PPP2R2B: variants seen among roughly 807,000 people sequenced by gnomAD.
PPP2R2B encodes protein phosphatase 2 regulatory subunit Bbeta.
A neutral mutation model predicts 46.0 loss-of-function variants in PPP2R2B; 5 were observed. The observed-to-expected ratio is 0.11, with a 90% confidence interval of 0.06 to 0.23. PPP2R2B has a LOEUF of 0.23. PPP2R2B is among the 10% of genes least tolerant of loss of function. PPP2R2B has a pLI of 1.00. For missense variants in PPP2R2B, 367 were observed against 575.0 expected, an observed-to-expected ratio of 0.64 and a Z score of 3.70; for synonymous variants, 215 against 206.7, an observed-to-expected ratio of 1.04 and a Z score of -0.34.
At chr5:146,889,822 A>G (rs1762439470) in intron 1 of PPP2R2B, among the ~76,000 whole-genome samples, 1 of 152,210 alleles carries the variant, frequency 6.6e-6, no homozygotes, top group South Asian at 2.1e-4. Context: ...TTCCACCCTC[A>G]AACTTAGCAG....
At chr5:147,009,898 C>CACACACACAT (rs781463815) in intron 1 of PPP2R2B, among the ~76,000 whole-genome samples, 80 of 145,612 alleles carry the variant, frequency 5.5e-4, no homozygotes, top group South Asian at 1.3e-3. Context: ...CACACACACA[C>CACACACACAT]ATATATATAT....
chr5:146,905,908 T>A (rs1415553234), intron 1 of PPP2R2B, among the ~76,000 whole-genome samples: 1 of 152,162 alleles, frequency 6.6e-6, no homozygotes. Context: ...CTCTGTGCTA[T>A]CCAGTATGGA....
chr5:146,703,786 G>A (rs188962440), intron 2 of PPP2R2B, among the ~76,000 whole-genome samples: 14 of 152,300 alleles, frequency 9.2e-5, no homozygotes, highest in African/African-American at 3.1e-4. Context: ...GCATTATGGA[G>A]TATTAGGCAT....
intron 2 of PPP2R2B, among the ~76,000 whole-genome samples, chr5:146,840,819 TTGTC>T (rs1033592076): frequency 4.6e-5 from 7 of 152,212 alleles, no homozygotes; most frequent in Non-Finnish European, 1.0e-4. Flanking sequence ...AATCTATTCA[TTGTC>T]TGTAATGTGT....
chr5:146,621,872 G>T (rs1289005681), intron 7 of PPP2R2B, among the ~76,000 whole-genome samples: 1 of 152,218 alleles, frequency 6.6e-6, no homozygotes, highest in Non-Finnish European at 1.5e-5. Flanking sequence ...GGAGAGACAG[G>T]TTGTACTTGG....
intron 2 of PPP2R2B, among the ~76,000 whole-genome samples, chr5:146,820,556 A>T (rs1038461656): frequency 2.4e-4 from 36 of 152,212 alleles, no homozygotes; most frequent in Non-Finnish European, 8.8e-5. Context: ...TGATCACAAA[A>T]GCACACTACT....
chr5:146,902,373 A>C (rs542943649), intron 1 of PPP2R2B, among the ~76,000 whole-genome samples: 1 of 152,308 alleles, frequency 6.6e-6, no homozygotes, highest in Admixed American at 6.5e-5. Flanking sequence ...AACTCTGCCT[A>C]GTTCAAGCTT....
chr5:146,833,972 A>C (rs1368379), intron 2 of PPP2R2B, among the ~76,000 whole-genome samples: 27,693 of 152,078 alleles, frequency 0.18, 2,948 homozygotes, highest in East Asian at 0.43. Context: ...ACTTCCATGC[A>C]CATCCTAGGG....
intron 7 of PPP2R2B, among the ~76,000 whole-genome samples, chr5:146,620,143 C>G (rs974387794): frequency 1.3e-5 from 2 of 152,068 alleles, no homozygotes; most frequent in African/African-American, 4.8e-5. Context: ...TTGGAAGGCT[C>G]ATTATCTGTG....
chr5:146,878,567 G>A lies in PPP2R2B; in HGVS notation c.-125+24C>T. 8.0e-7 allele frequency: 1 copy of A among 1,249,084 alleles called. No homozygotes were observed. The highest frequency in any genetic ancestry group is 1.0e-6 in the Non-Finnish European group (1 of 975,258). 77.4% of individuals were successfully genotyped at this position (1,249,084 alleles called of 1,614,324 possible). On this transcript the variant is annotated intron_variant, in intron 1 of 9. Coordinates refer to ENST00000394411, the MANE Select transcript of PPP2R2B (RefSeq NM_181675.4). This position sits in a 1 kb window ranked among gnomAD's most constrained non-coding sequence, Gnocchi z 4.5. ...TGGACCCGAGCTGCAGTGGCGAGAT[G>A]GCAGGGACAGGATTCAGGCTTGCCT... is the stretch of plus-strand genomic sequence containing the variant.
At chr5:146,970,846 A>C (rs1205449218) in intron 1 of PPP2R2B, among the ~76,000 whole-genome samples, 1 of 152,082 alleles carries the variant, frequency 6.6e-6, no homozygotes, top group Non-Finnish European at 1.5e-5. Flanking sequence ...TAATCATAAA[A>C]GCAATGTTTT....
At chr5:146,862,831 C>T (rs1385530335) in intron 2 of PPP2R2B, among the ~76,000 whole-genome samples, 2 of 131,948 alleles carry the variant, frequency 1.5e-5, no homozygotes, top group Non-Finnish European at 3.1e-5. Flanking sequence ...ATGAGTGACT[C>T]AAAGGCAACC....
intron 1 of PPP2R2B, among the ~76,000 whole-genome samples, chr5:146,976,108 TTTA>T (rs143212984): frequency 0.26 from 33,561 of 129,500 alleles, 4,195 homozygotes; most frequent in East Asian, 0.44. Context: ...TTTTAAAAAA[TTTA>T]TTATTATTAT....
chr5:146,617,698 C>CTT (rs537190222), intron 7 of PPP2R2B, among the ~76,000 whole-genome samples: 13,723 of 141,600 alleles, frequency 0.097, 1,183 homozygotes, highest in East Asian at 0.22. Flanking sequence ...CTCTCTCTCT[C>CTT]TTTTTTTTTT....
chr5:146,934,941 A>T (rs1582456496), intron 1 of PPP2R2B, among the ~76,000 whole-genome samples: 1 of 152,288 alleles, frequency 6.6e-6, no homozygotes, highest in Non-Finnish European at 1.5e-5. Context: ...ATGGGAAATT[A>T]TCACTTTTCT....
intron 1 of PPP2R2B, among the ~76,000 whole-genome samples, chr5:146,952,915 GATA>G (rs1230312086): frequency 6.6e-6 from 1 of 152,154 alleles, no homozygotes; most frequent in Non-Finnish European, 1.5e-5. Flanking sequence ...AGAAACAGCA[GATA>G]ATAAGTGAGA....
chr5:146,623,236 G>T (rs2151060092), intron 7 of PPP2R2B, among the ~76,000 whole-genome samples: 2 of 152,324 alleles, frequency 1.3e-5, no homozygotes, highest in East Asian at 3.9e-4. Flanking sequence ...GTACACATAG[G>T]ATATGCTGAG....
intron 3 of PPP2R2B, among the ~76,000 whole-genome samples, chr5:146,700,209 A>G (rs1490478704): frequency 6.6e-6 from 1 of 152,046 alleles, no homozygotes; most frequent in Non-Finnish European, 1.5e-5. Context: ...GGCCTCTCTC[A>G]TGCTTCCCGA....
At chr5:147,013,888 A>T (rs2151879967) in intron 1 of PPP2R2B, among the ~76,000 whole-genome samples, 1 of 147,834 alleles carries the variant, frequency 6.8e-6, no homozygotes, top group South Asian at 2.2e-4. Flanking sequence ...GACAAATGGG[A>T]TCTAATTAAA....
Sources: allele counts gnomAD v4.1 joint callset (sites outside exome capture counted in the v4.1 genomes callset), GRCh38; gene constraint gnomAD v4.1.1; non-coding constraint Gnocchi (gnomAD v3.1); transcripts MANE v1.5; gene names NCBI Gene and HGNC (gene_info 2026-07-23, HGNC 2026-07-21).